The following CDC14B variants were observed in gnomAD, a reference collection of about 807,000 sequenced individuals.
The protein encoded by CDC14B is dual specificity protein phosphatase CDC14B.
CDC14B carries 22 observed loss-of-function variants against 64.2 expected under a neutral mutation model. The observed-to-expected ratio is 0.34, with a 90% CI of 0.24 to 0.49. The LOEUF is 0.49. CDC14B is among the 20% of genes least tolerant of loss of function. The pLI is 0.99. For synonymous variants in CDC14B, 191 were observed against 215.8 expected, an observed-to-expected ratio of 0.89 and a Z score of 1.01; for missense variants, 498 against 629.9, an observed-to-expected ratio of 0.79 and a Z score of 2.24.
chr9:96,612,662 C>T lies in CDC14B; in HGVS notation c.160+6557G>A, dbSNP rs141464180. ...GTTTTTCTTCCCTAAAGATTTCAACCGCAATATGCGATATGGTTACTCTAT... is the reference window on the plus strand; with the variant it reads ...GTTTTTCTTCCCTAAAGATTTCAACTGCAATATGCGATATGGTTACTCTAT... On this transcript the variant is annotated intron_variant, in intron 1 of 13. Coordinates refer to ENST00000375241, the MANE Select transcript of CDC14B (RefSeq NM_033331.4). 4.0e-3 allele frequency among the ~76,000 whole-genome samples: 609 copies of T among 152,248 alleles called. 6 individuals are homozygous for T. The highest frequency in any genetic ancestry group is 0.013 in the African/African-American group (523 of 41,544).
intron 1 of CDC14B, among the ~76,000 whole-genome samples, chr9:96,590,019 T>C (rs1364144437): frequency 6.6e-6 from 1 of 151,898 alleles, no homozygotes; most frequent in Non-Finnish European, 1.5e-5. Context: ...AAAATTACCA[T>C]CTTAGCCATT....
intron 1 of CDC14B, among the ~76,000 whole-genome samples, chr9:96,587,527 T>C (rs970419034): frequency 6.6e-5 from 10 of 152,184 alleles, no homozygotes; most frequent in African/African-American, 2.4e-4. Flanking sequence ...CAGATACACT[T>C]GGCCCTGCAC....
At chr9:96,569,806 G>A (rs1844365229) in intron 1 of CDC14B, among the ~76,000 whole-genome samples, 1 of 151,956 alleles carries the variant, frequency 6.6e-6, no homozygotes, top group Admixed American at 6.6e-5. Flanking sequence ...TAGTAAAGAT[G>A]TCAAACTCCT....
chr9:96,611,133 T>C (rs1847291671), intron 1 of CDC14B, among the ~76,000 whole-genome samples: 2 of 152,006 alleles, frequency 1.3e-5, no homozygotes, highest in East Asian at 1.9e-4. Context: ...AAAACTTTCA[T>C]ATAAACTAGA....
chr9:96,509,518 T>A (rs1448592488), intron 13 of CDC14B, among the ~76,000 whole-genome samples, 155 bp downstream of exon 13: 1 of 152,218 alleles, frequency 6.6e-6, no homozygotes, highest in African/African-American at 2.4e-5. Flanking sequence ...CAGATTTTCT[T>A]AGATAATGAA....
intron 9 of CDC14B, among the ~76,000 whole-genome samples, chr9:96,530,644 C>A (rs1838320124): frequency 6.7e-6 from 1 of 149,294 alleles, no homozygotes; most frequent in Non-Finnish European, 1.5e-5. Context: ...TTCCCCCTGT[C>A]TAATTTCGAT....
At chr9:96,618,888 A>C (rs919855916) in intron 1 of CDC14B, 129 of 330,792 alleles carry the variant, frequency 3.9e-4, no homozygotes, top group Non-Finnish European at 6.1e-4. Context: ...GGAACTCAGA[A>C]GCAGCCCGCG....
chr9:96,530,226 T>A (rs1033424912), intron 9 of CDC14B, among the ~76,000 whole-genome samples: 1 of 152,054 alleles, frequency 6.6e-6, no homozygotes, highest in Non-Finnish European at 1.5e-5. Flanking sequence ...GCTACTTCTT[T>A]GCTGAACTCA....
At chr9:96,536,319 TATTC>T (rs1309577307) in intron 7 of CDC14B, among the ~76,000 whole-genome samples, 3 of 152,220 alleles carry the variant, frequency 2.0e-5, no homozygotes, top group African/African-American at 7.2e-5. Context: ...GTGCCTATAT[TATTC>T]ATTAATAGCA....
intron 1 of CDC14B, among the ~76,000 whole-genome samples, chr9:96,614,053 C>A (rs1049382379): frequency 2.0e-5 from 3 of 152,002 alleles, no homozygotes; most frequent in Admixed American, 1.3e-4. Context: ...GCAATCCTGA[C>A]CTCAATTAGT....
intron 9 of CDC14B, among the ~76,000 whole-genome samples, chr9:96,527,016 A>G (rs1474965914): frequency 6.6e-6 from 1 of 152,178 alleles, no homozygotes; most frequent in African/African-American, 2.4e-5. Context: ...TATACATAAA[A>G]TTTACCATTT....
chr9:96,496,603 G>A (rs556443540), downstream of CDC14B, among the ~76,000 whole-genome samples: 25 of 152,334 alleles, frequency 1.6e-4, no homozygotes, highest in South Asian at 5.0e-3. Flanking sequence ...CGGTCCTGCC[G>A]GGGCGCTCCG....
chr9:96,533,389 A>G (rs1838791520), intron 9 of CDC14B, among the ~76,000 whole-genome samples: 4 of 152,256 alleles, frequency 2.6e-5, no homozygotes, highest in Admixed American at 2.6e-4. Flanking sequence ...CAAATACAGC[A>G]GTAACTCTGG....
chr9:96,530,640 CT>C (rs1440758587), intron 9 of CDC14B, among the ~76,000 whole-genome samples: 1 of 150,644 alleles, frequency 6.6e-6, no homozygotes, highest in Non-Finnish European at 1.5e-5. Context: ...TTACTTCCCC[CT>C]GTCTAATTTC....
intron 13 of CDC14B, among the ~76,000 whole-genome samples, chr9:96,494,005 C>T (rs1833154351): frequency 6.6e-6 from 1 of 152,206 alleles, no homozygotes; most frequent in South Asian, 2.1e-4. Context: ...GAAGGATGCC[C>T]CTCCTCCTAC....
chr9:96,563,021 T>G (rs754742598), intron 3 of CDC14B, among the ~76,000 whole-genome samples: 5 of 152,210 alleles, frequency 3.3e-5, no homozygotes, highest in African/African-American at 1.2e-4. Context: ...AATGGACACA[T>G]GCTTAAAGCA....
chr9:96,519,035 C>T (rs1836225950), intron 12 of CDC14B, among the ~76,000 whole-genome samples: 1 of 152,022 alleles, frequency 6.6e-6, no homozygotes, highest in African/African-American at 2.4e-5. Context: ...ACTTGGGAGG[C>T]TGAGGCAGGA....
intron 1 of CDC14B, among the ~76,000 whole-genome samples, chr9:96,582,753 G>C (rs989404782): frequency 2.0e-5 from 3 of 152,172 alleles, no homozygotes; most frequent in Non-Finnish European, 4.4e-5. Context: ...CAGAGTTCAA[G>C]ACCTTAGTTT....
intron 9 of CDC14B, among the ~76,000 whole-genome samples, chr9:96,526,096 G>T (rs77175688): frequency 4.6e-5 from 7 of 152,078 alleles, no homozygotes; most frequent in Non-Finnish European, 1.0e-4. Flanking sequence ...GGCCGGGTGC[G>T]GTGGCTCACA....
Sources: allele counts gnomAD v4.1 joint callset (sites outside exome capture counted in the v4.1 genomes callset), GRCh38; gene constraint gnomAD v4.1.1; transcripts MANE v1.5; gene names NCBI Gene and HGNC (gene_info 2026-07-23, HGNC 2026-07-21).